RBFOX2: variants seen among roughly 807,000 people sequenced by gnomAD.
RBFOX2 encodes RNA binding fox-1 homolog 2, also known as RNA binding protein fox-1 homolog 2.
In RBFOX2, 10 loss-of-function variants were observed where a neutral mutation model predicts 49.1. The observed-to-expected ratio is 0.20, with a 90% CI of 0.13 to 0.35. The LOEUF is 0.35. RBFOX2 is among the 10% of genes least tolerant of loss of function. The pLI is 1.00. For synonymous variants in RBFOX2, 183 were observed against 187.4 expected (o/e 0.98, Z 0.19); for missense variants, 323 against 486.9 (o/e 0.66, Z 3.17).
intron 1 of RBFOX2, among the ~76,000 whole-genome samples, chr22:35,984,880 T>C (rs575392622): frequency 1.3e-5 from 2 of 152,316 alleles, no homozygotes; most frequent in African/African-American, 2.4e-5. Flanking sequence ...CCTTTAGTCA[T>C]TCATTCAACA....
intron 1 of RBFOX2, among the ~76,000 whole-genome samples, chr22:36,020,367 G>A (rs2059196753): frequency 6.6e-6 from 1 of 152,126 alleles, no homozygotes; most frequent in Non-Finnish European, 1.5e-5. Flanking sequence ...AACACCAAAA[G>A]CAATGGCAAC....
chr22:35,871,775 C>T (rs1339393447), intron 1 of RBFOX2, among the ~76,000 whole-genome samples: 1 of 152,122 alleles, frequency 6.6e-6, no homozygotes, highest in Non-Finnish European at 1.5e-5. Flanking sequence ...TGCCACCATG[C>T]ACCAAGGCAA....
At chr22:35,830,437 TAAA>T (rs1956568645) in intron 1 of RBFOX2, among the ~76,000 whole-genome samples, 1 of 152,160 alleles carries the variant, frequency 6.6e-6, no homozygotes, top group African/African-American at 2.4e-5. Flanking sequence ...CCCAAAGTAA[TAAA>T]TAATAGTCAT....
chr22:35,788,145 AATTG>A (rs1022610219), intron 2 of RBFOX2, among the ~76,000 whole-genome samples: 146 of 152,280 alleles, frequency 9.6e-4, no homozygotes, highest in African/African-American at 3.3e-3. Context: ...CTAACTAGGA[AATTG>A]ATTGATTTTT....
intron 1 of RBFOX2, among the ~76,000 whole-genome samples, chr22:35,987,310 T>C (rs1411694139): frequency 1.3e-5 from 2 of 152,200 alleles, no homozygotes; most frequent in Admixed American, 6.5e-5. Context: ...GAATTCCTTC[T>C]AAAAACAGTG....
upstream of RBFOX2, among the ~76,000 whole-genome samples, chr22:35,841,207 T>C (rs1470709354): frequency 2.6e-5 from 4 of 152,224 alleles, no homozygotes; most frequent in Admixed American, 1.3e-4. Flanking sequence ...TCACCTTTTG[T>C]TTTCTCCAGC....
At chr22:35,820,058 G>C (rs1954111090) in intron 1 of RBFOX2, among the ~76,000 whole-genome samples, 1 of 152,184 alleles carries the variant, frequency 6.6e-6, no homozygotes, top group South Asian at 2.1e-4. Flanking sequence ...GATCAGACTG[G>C]AGTAAGCATG....
intron 1 of RBFOX2, among the ~76,000 whole-genome samples, chr22:35,933,157 T>C (rs1295025302): frequency 1.3e-5 from 2 of 152,186 alleles, no homozygotes; most frequent in Non-Finnish European, 1.5e-5. Flanking sequence ...CAAGTCCAAT[T>C]CTTTACTTAC....
At chr22:35,907,119 C>T (rs1457726305) in intron 1 of RBFOX2, among the ~76,000 whole-genome samples, 2 of 152,166 alleles carry the variant, frequency 1.3e-5, no homozygotes, top group African/African-American at 4.8e-5. Context: ...CTCTGATAGG[C>T]CCTGGAGCTG....
At chr22:35,780,049 T>C (rs1944785878) in intron 3 of RBFOX2, among the ~76,000 whole-genome samples, 1 of 152,102 alleles carries the variant, frequency 6.6e-6, no homozygotes, top group Non-Finnish European at 1.5e-5. Flanking sequence ...TCCCGAGAAG[T>C]TTCTTCTGCG....
chr22:35,927,696 A>G (rs2051832885), intron 1 of RBFOX2, among the ~76,000 whole-genome samples: 1 of 151,840 alleles, frequency 6.6e-6, no homozygotes, highest in Non-Finnish European at 1.5e-5. Context: ...AATTGTAGCG[A>G]GCCTTGAATG....
intron 1 of RBFOX2, among the ~76,000 whole-genome samples, chr22:35,926,186 A>G (rs2149630995): frequency 6.6e-6 from 1 of 152,346 alleles, no homozygotes. Flanking sequence ...CTGAATAAAT[A>G]TGTCAAGCTT....
chr22:35,976,904 C>T (rs916119570), intron 1 of RBFOX2, among the ~76,000 whole-genome samples: 3 of 149,660 alleles, frequency 2.0e-5, no homozygotes, highest in Admixed American at 1.3e-4. Context: ...GCGGAGGTTG[C>T]AGGGAGCCAA....
At chr22:35,754,943 G>A (rs1490060579) in intron 9 of RBFOX2, among the ~76,000 whole-genome samples, 1 of 152,204 alleles carries the variant, frequency 6.6e-6, no homozygotes, top group African/African-American at 2.4e-5. Context: ...CCTATGCTAA[G>A]TAGTACAGGT....
At chr22:36,001,500 C>T (rs1309002126) in intron 1 of RBFOX2, among the ~76,000 whole-genome samples, 3 of 152,132 alleles carry the variant, frequency 2.0e-5, no homozygotes, top group African/African-American at 7.2e-5. Flanking sequence ...GGGGCTCATG[C>T]CTGTAATCCT....
chr22:35,756,631 T>C (rs1477417729), intron 9 of RBFOX2, among the ~76,000 whole-genome samples: 1 of 152,176 alleles, frequency 6.6e-6, no homozygotes, highest in Non-Finnish European at 1.5e-5. Context: ...GCAAAGTATG[T>C]TTTTACATTA....
chr22:35,766,228 A>G lies in RBFOX2; in HGVS notation c.547-745T>C, dbSNP rs568022309. ...TGTTACAAAGATGCTGCTGCTGAAG[A>G]AAAGATGAATGGAACTAAGATGTCA... On this transcript the variant is annotated intron_variant, in intron 5 of 11. Coordinates refer to ENST00000405409, the Ensembl canonical transcript of RBFOX2. 2.6e-5 allele frequency among the ~76,000 whole-genome samples: 4 copies of G among 152,336 alleles called. No homozygotes were observed. The South Asian group carries it at 8.3e-4, about 32-fold the overall frequency.
chr22:35,888,826 A>G (rs2046908326), intron 1 of RBFOX2, among the ~76,000 whole-genome samples: 1 of 152,142 alleles, frequency 6.6e-6, no homozygotes, highest in South Asian at 2.1e-4. Flanking sequence ...TTCCTCCTTA[A>G]GAATAAGGTC....
intron 1 of RBFOX2, among the ~76,000 whole-genome samples, chr22:35,929,610 A>G (rs528675816): frequency 2.0e-5 from 3 of 152,264 alleles, no homozygotes; most frequent in African/African-American, 4.8e-5. Flanking sequence ...AAGACTACAT[A>G]TATCATATAA....
Sources: gnomAD v4.1 joint callset for allele counts (sites outside exome capture counted in the v4.1 genomes callset) on GRCh38, gnomAD v4.1.1 for gene constraint, MANE v1.5 for transcripts, NCBI Gene and HGNC (gene_info 2026-07-23, HGNC 2026-07-21) for gene names.